Variants in EXOC6 observed in about 807,000 individuals in gnomAD.
EXOC6 encodes SEC15-like 1.
Under a neutral mutation model 112.5 loss-of-function variants are expected in EXOC6, and 60 were observed. That is an observed-to-expected ratio of 0.53 (90% CI 0.43 to 0.66). EXOC6 has a LOEUF of 0.66. EXOC6 is among the 30% of genes least tolerant of loss of function. The pLI is 0.00. For synonymous variants in EXOC6, 295 were observed against 308.0 expected, an observed-to-expected ratio of 0.96 and a Z score of 0.44; for missense variants, 855 against 957.1, an observed-to-expected ratio of 0.89 and a Z score of 1.41.
At chr10:92,860,659 C>A (rs978610064) in intron 1 of EXOC6, among the ~76,000 whole-genome samples, 19 of 152,186 alleles carry the variant, frequency 1.2e-4, no homozygotes, top group African/African-American at 4.1e-4. Flanking sequence ...ATTTTACTTT[C>A]TATCTCTATG....
At chr10:93,024,775 T>G (rs559346925) in intron 20 of EXOC6, among the ~76,000 whole-genome samples, 1 of 152,302 alleles carries the variant, frequency 6.6e-6, no homozygotes, top group African/African-American at 2.4e-5. Flanking sequence ...CCAAACTCAT[T>G]ACAGGGCACC....
chr10:92,996,813 A>G (rs565201136), intron 18 of EXOC6, among the ~76,000 whole-genome samples: 41 of 152,310 alleles, frequency 2.7e-4, no homozygotes, highest in African/African-American at 9.1e-4. Flanking sequence ...CAAGTATTCA[A>G]CCACATACTT....
At chr10:93,018,364 G>T (rs531538375) in intron 20 of EXOC6, among the ~76,000 whole-genome samples, 2 of 151,924 alleles carry the variant, frequency 1.3e-5, no homozygotes, top group South Asian at 4.1e-4. Context: ...AAAAGTACAC[G>T]TACATAAGTT....
intron 5 of EXOC6, among the ~76,000 whole-genome samples, chr10:92,907,791 C>A (rs1850525670): frequency 6.6e-6 from 1 of 152,066 alleles, no homozygotes; most frequent in Non-Finnish European, 1.5e-5. Flanking sequence ...TTCACTTCAT[C>A]AAGCCTTTAA....
chr10:92,930,511 A>AATG (rs2133941916), intron 9 of EXOC6, among the ~76,000 whole-genome samples: 1 of 151,140 alleles, frequency 6.6e-6, no homozygotes, highest in African/African-American at 2.4e-5. Context: ...CTCAAATAAT[A>AATG]ATAATAATAA....
At chr10:92,931,247 A>T (rs1283821025) in intron 9 of EXOC6, among the ~76,000 whole-genome samples, 1 of 151,954 alleles carries the variant, frequency 6.6e-6, no homozygotes, top group African/African-American at 2.4e-5. Flanking sequence ...TCAGTAATTG[A>T]AGACCAATAA....
rs1185994977 is a variant in EXOC6 at position 92,997,581 on chromosome 10, T to C, written c.2061T>C (p.Val687=). ...SELKQISMGA[V]QQFNLDVIQC... ...TAAAACAAATAAGCATGGGAGCTGTTCAGCAGTTTAACTTAGATGTCATAC... is the reference window on the plus strand; with the variant it reads ...TAAAACAAATAAGCATGGGAGCTGTCCAGCAGTTTAACTTAGATGTCATAC... Residue 687 remains valine, a synonymous_variant, in exon 19 of 22, where the codon GTT becomes GTC. Coordinates refer to ENST00000260762, the MANE Select transcript of EXOC6 (RefSeq NM_019053.6). 1.2e-6 allele frequency: 2 copies of C among 1,613,156 alleles called. No homozygotes were observed. Among genetic ancestry groups the C allele is most frequent in the South Asian group, 2.2e-5 (2 of 90,898 alleles).
intron 20 of EXOC6, among the ~76,000 whole-genome samples, chr10:93,049,340 C>T (rs1047062814): frequency 1.2e-4 from 18 of 152,094 alleles, no homozygotes; most frequent in African/African-American, 2.4e-4. Context: ...GGATTACAGG[C>T]GTGAGCCACC....
At chr10:92,956,126 C>T (rs1853681881) in intron 17 of EXOC6, among the ~76,000 whole-genome samples, 1 of 152,036 alleles carries the variant, frequency 6.6e-6, no homozygotes, top group Admixed American at 6.6e-5. Flanking sequence ...AATATTATTA[C>T]ATGTCATTGA....
intron 1 of EXOC6, among the ~76,000 whole-genome samples, chr10:92,892,369 G>T (rs1354809628): frequency 6.6e-6 from 1 of 152,226 alleles, no homozygotes; most frequent in Non-Finnish European, 1.5e-5. Context: ...GCAGTGATGT[G>T]TGGTAACACG....
upstream of EXOC6, among the ~76,000 whole-genome samples, chr10:92,833,200 C>T (rs533415253): frequency 2.6e-5 from 4 of 152,270 alleles, no homozygotes; most frequent in East Asian, 5.8e-4. Flanking sequence ...TAGTATTGCT[C>T]TTGTGTCTGT....
intron 18 of EXOC6, among the ~76,000 whole-genome samples, chr10:92,974,912 G>T (rs980571939): frequency 2.0e-5 from 3 of 152,150 alleles, no homozygotes; most frequent in Non-Finnish European, 4.4e-5. Context: ...CTCTCGGCTC[G>T]CTACAACCTC....
intron 20 of EXOC6, among the ~76,000 whole-genome samples, chr10:93,053,248 T>C (rs1846386786): frequency 6.6e-6 from 1 of 152,192 alleles, no homozygotes; most frequent in South Asian, 2.1e-4. Flanking sequence ...CAGGGTCATC[T>C]TGGTCGGAAC....
intron 19 of EXOC6, among the ~76,000 whole-genome samples, chr10:93,006,091 T>G (rs1185229671): frequency 6.6e-6 from 1 of 151,852 alleles, no homozygotes; most frequent in Non-Finnish European, 1.5e-5. Flanking sequence ...GCCTGGAAGG[T>G]CAAGGCTGCA....
chr10:92,852,648 T>C (rs1218960654), intron 1 of EXOC6, among the ~76,000 whole-genome samples: 1 of 152,160 alleles, frequency 6.6e-6, no homozygotes, highest in Admixed American at 6.5e-5. Flanking sequence ...TGTAACATTG[T>C]TCACCATATT....
chr10:92,938,720 A>G (rs1216797832), intron 12 of EXOC6, among the ~76,000 whole-genome samples: 4 of 152,192 alleles, frequency 2.6e-5, no homozygotes, highest in African/African-American at 9.6e-5. Context: ...CATAAAAGTC[A>G]GTAAGACAGT....
At chr10:92,920,214 GTGTAATTTCAAGTGATATACCATTTCA>G (rs1851351357) in intron 8 of EXOC6, among the ~76,000 whole-genome samples, 164 bp downstream of exon 8, 2 of 152,050 alleles carry the variant, frequency 1.3e-5, no homozygotes, top group Non-Finnish European at 2.9e-5. Context: ...ACTTATCATA[GTGTAATTTCAAGTGATATACCATTTCA>G]TGTATATTTT....
Position 92,837,745 on chromosome 10 carries a change from C to A in EXOC6, c.86+2921C>A, listed in dbSNP as rs117649917. Among the ~76,000 whole-genome samples, 1,247 of 152,234 alleles carry A rather than the reference C, an allele frequency of 8.2e-3. 19 individuals are homozygous for A. Among genetic ancestry groups the A allele is most frequent in the South Asian group, 0.017 (81 of 4,820 alleles). ...GGTGGAAAAGGAGTTTGGCTGGAGG[C>A]AGCTGAAGGCCCTGCCTTGAGGCCC... On this transcript the variant is annotated intron_variant, in intron 1 of 21. Transcript: ENST00000371552.
chr10:92,902,477 A>C (rs1176560970), intron 5 of EXOC6, among the ~76,000 whole-genome samples: 3 of 151,730 alleles, frequency 2.0e-5, no homozygotes, highest in Non-Finnish European at 2.9e-5. Context: ...GATTTTTAAA[A>C]ATTTCTGCTA....
Sources: allele counts gnomAD v4.1 joint callset (sites outside exome capture counted in the v4.1 genomes callset), GRCh38; gene constraint gnomAD v4.1.1; transcripts MANE v1.5; gene names NCBI Gene and HGNC (gene_info 2026-07-23, HGNC 2026-07-21).